Variants in SCLT1 observed in about 807,000 individuals in gnomAD.
SCLT1 encodes the protein sodium channel and clathrin linker 1, also known as sodium channel-associated protein 1.
A neutral mutation model predicts 112.8 loss-of-function variants in SCLT1; 78 were observed. The observed-to-expected ratio is 0.69, with a 90% CI of 0.58 to 0.83. The LOEUF is 0.83. Among genes scored for constraint, SCLT1 ranks in the 40% least tolerant of loss-of-function variants. The pLI is 0.00. For synonymous variants in SCLT1, 257 were observed against 254.7 expected (o/e 1.01, Z -0.09); for missense variants, 747 against 770.4 (o/e 0.97, Z 0.36).
At chr4:129,057,580 T>G (rs1469321856) in intron 2 of SCLT1, among the ~76,000 whole-genome samples, 2 of 151,362 alleles carry the variant, frequency 1.3e-5, no homozygotes, top group Non-Finnish European at 2.9e-5. Flanking sequence ...TTTAAGACTT[T>G]TTGTTACAGA....
chr4:128,968,655 G>A (rs1740415110), intron 10 of SCLT1, among the ~76,000 whole-genome samples: 1 of 152,128 alleles, frequency 6.6e-6, no homozygotes, highest in African/African-American at 2.4e-5. Flanking sequence ...AAACTCAATA[G>A]TGTAGATAAT....
chr4:129,025,751 A>T lies in SCLT1; in HGVS notation c.290+13290T>A, dbSNP rs1482777955. ...AATGCTCCAATTAAAAGACACAGAC[A>T]GGCAAATTGGATAAAGAGTCAAGAC... is the stretch of plus-strand genomic sequence containing the variant. On this transcript the variant is annotated intron_variant, in intron 5 of 20. Transcript: ENST00000281142. Among the ~76,000 whole-genome samples, 16 of 152,200 alleles carry T rather than the reference A, an allele frequency of 1.1e-4. No individual in the cohort carries two copies. In the East Asian group the frequency reaches 1.7e-3, roughly 17 times the overall value.
chr4:129,064,611 G>C (rs887299276), intron 2 of SCLT1, among the ~76,000 whole-genome samples: 1 of 152,084 alleles, frequency 6.6e-6, no homozygotes, highest in Non-Finnish European at 1.5e-5. Context: ...CACAGTTAGA[G>C]GAATAAGGAA....
At chr4:129,019,744 C>T (rs1745293571) in intron 5 of SCLT1, among the ~76,000 whole-genome samples, 1 of 151,900 alleles carries the variant, frequency 6.6e-6, no homozygotes, top group East Asian at 1.9e-4. Context: ...TTTCACTAAT[C>T]CAAGCCTCCT....
At chr4:129,057,358 A>C (rs1749498153) in intron 2 of SCLT1, among the ~76,000 whole-genome samples, 2 of 151,298 alleles carry the variant, frequency 1.3e-5, no homozygotes, top group Non-Finnish European at 2.9e-5. Flanking sequence ...ATTTGGAAGA[A>C]TCACCTAACC....
At chr4:128,921,260 C>A (rs1247214037) in intron 18 of SCLT1, among the ~76,000 whole-genome samples, 2 of 152,116 alleles carry the variant, frequency 1.3e-5, no homozygotes, top group African/African-American at 2.4e-5. Context: ...CTATTCCTAT[C>A]AAACTACCAA....
chr4:129,027,319 C>T (rs763057887), intron 5 of SCLT1, among the ~76,000 whole-genome samples: 312 of 152,170 alleles, frequency 2.1e-3, no homozygotes, highest in Non-Finnish European at 2.7e-3. Flanking sequence ...ACTGGCAAAC[C>T]GAATCCAGCA....
At chr4:129,043,155 T>C (rs1000694248) in intron 4 of SCLT1, among the ~76,000 whole-genome samples, 1 of 152,000 alleles carries the variant, frequency 6.6e-6, no homozygotes, top group African/African-American at 2.4e-5. Flanking sequence ...CAAATGATCT[T>C]CCTGTCTCAG....
rs1394278308 is a variant in SCLT1 at position 128,965,279 on chromosome 4, A to T, written c.817T>A (p.Ser273Thr). ...TGTAACTGCTGTAAACGCCTATCTG[A>T]TGCTTCCTCTCTTCCATGGGCAGAC... ...VVSAHGREEA[S>T]DRRLQQLQSS... Residue 273 changes from serine (S) to threonine (T), a missense_variant, in exon 11 of 21, where the codon TCA (serine) becomes ACA (threonine). Coordinates refer to ENST00000281142, the MANE Select transcript of SCLT1 (RefSeq NM_144643.4). 2 of 1,610,712 alleles carry T rather than the reference A, an allele frequency of 1.2e-6. No homozygotes were observed. The highest frequency in any genetic ancestry group is 1.1e-5 in the South Asian group (1 of 90,994).
At chr4:128,897,946 A>G (rs538932281) in intron 18 of SCLT1, among the ~76,000 whole-genome samples, 1 of 152,360 alleles carries the variant, frequency 6.6e-6, no homozygotes, top group South Asian at 2.1e-4. Context: ...ATAATGGTAA[A>G]GGGATCAACT....
chr4:128,935,305 C>T (rs915284578), intron 18 of SCLT1, among the ~76,000 whole-genome samples: 1 of 151,856 alleles, frequency 6.6e-6, no homozygotes, highest in Non-Finnish European at 1.5e-5. Flanking sequence ...TATGTCATTC[C>T]AACCTTCCAC....
chr4:128,921,787 T>C (rs985272322), intron 18 of SCLT1, among the ~76,000 whole-genome samples: 2 of 152,084 alleles, frequency 1.3e-5, no homozygotes, highest in African/African-American at 4.8e-5. Context: ...AAAATAAAAG[T>C]TGACATGTGG....
chr4:128,947,239 A>G (rs1474184658), intron 15 of SCLT1, among the ~76,000 whole-genome samples: 1 of 152,078 alleles, frequency 6.6e-6, no homozygotes, highest in Non-Finnish European at 1.5e-5. Context: ...CATTTCCCCA[A>G]AAGCCTTTTC....
chr4:129,022,781 A>G (rs1443865350), intron 5 of SCLT1, among the ~76,000 whole-genome samples: 1 of 152,204 alleles, frequency 6.6e-6, no homozygotes, highest in East Asian at 1.9e-4. Context: ...ATTCAAATTC[A>G]GGAAATGCGG....
chr4:129,070,058 G>A (rs534725280), intron 2 of SCLT1, among the ~76,000 whole-genome samples: 11 of 152,142 alleles, frequency 7.2e-5, no homozygotes, highest in South Asian at 4.1e-4. Flanking sequence ...AGTATCACAC[G>A]TATTGACTTG....
intron 2 of SCLT1, among the ~76,000 whole-genome samples, chr4:129,066,839 TATA>T: frequency 1.3e-5 from 2 of 152,214 alleles, no homozygotes; most frequent in Non-Finnish European, 2.9e-5. Flanking sequence ...TAATTTCAGG[TATA>T]ATCATATAAA....
Position 128,891,119 on chromosome 4 carries a change from C to T in SCLT1, c.1848G>A (p.Gln616=). 1 of 1,612,788 alleles carries T rather than the reference C, an allele frequency of 6.2e-7. No individual in the cohort carries two copies. The highest frequency in any genetic ancestry group is 8.5e-7 in the Non-Finnish European group (1 of 1,179,222). Residue 616 remains glutamine, a synonymous_variant, in exon 19 of 21, where the codon CAG becomes CAA. Transcript: ENST00000281142. ...INNLKSELSR[Q]KLHTQELLSQ... is the part of the protein sequence containing the mutation. ...AAAGCAGCTCTTGGGTATGAAGTTT[C>T]TGTCGACTCAGCTCACTCCTATTAA...
At position 129,040,116 on chromosome 4, in the gene SCLT1, G is replaced by T; in HGVS notation, c.235-1020C>A. ...CAGCCTTTTTCTCTCTCTTTCAACC[G>T]AGAAGATCAAGGAAGCTTGGTCTAG... On this transcript the variant is annotated intron_variant, in intron 4 of 20. Coordinates refer to ENST00000281142, the MANE Select transcript of SCLT1 (RefSeq NM_144643.4). 5 of 694,958 alleles carry T rather than the reference G, an allele frequency of 7.2e-6. No homozygotes were observed. In the South Asian group the frequency reaches 7.5e-5, roughly 10 times the overall value. The allele number at this position is 694,958 out of a possible 1,614,324, so 43.0% of individuals were successfully genotyped here.
chr4:128,997,917 T>C lies in SCLT1; in HGVS notation c.572A>G (p.Gln191Arg), dbSNP rs768874682. 4 of 1,515,426 alleles carry C rather than the reference T, an allele frequency of 2.6e-6. No individual in the cohort carries two copies. The African/African-American group carries it at 5.6e-5, about 21-fold the overall frequency. 93.9% of individuals were successfully genotyped at this position (1,515,426 alleles called of 1,614,324 possible). Residue 191 changes from glutamine (Q) to arginine (R), a missense_variant, in exon 8 of 21, where the codon CAA becomes CGA. By Grantham distance (43) the Gln-to-Arg change is conservative. Around this residue, in one of 2 missense-constraint regions of SCLT1, gnomAD observed 723 missense variants for 721.3 expected, o/e 1.00. Coordinates refer to ENST00000281142, the MANE Select transcript of SCLT1 (RefSeq NM_144643.4). Reference protein sequence around the residue: ...KQKDQLFDFQQLTKQLHVTNE... With the variant: ...KQKDQLFDFQRLTKQLHVTNE... ...AGTAACATGAAGTTGTTTGGTCAGT[T>C]GTTGAAAATCAAATAGCTGATCCTA... is the stretch of plus-strand genomic sequence containing the variant.
Sources: gnomAD v4.1 joint callset for allele counts (sites outside exome capture counted in the v4.1 genomes callset) on GRCh38, gnomAD v4.1.1 for gene constraint, gnomAD v4.1.1 regional missense constraint, MANE v1.5 for transcripts, NCBI Gene and HGNC (gene_info 2026-07-23, HGNC 2026-07-21) for gene names.